FOXP1: variants seen among roughly 807,000 people sequenced by gnomAD.
FOXP1 encodes the protein forkhead box P1, also known as forkhead box protein P1.
In FOXP1, 15 loss-of-function variants were observed where a neutral mutation model predicts 98.2. The ratio of observed to expected loss-of-function variants is 0.15; its 90% confidence interval spans 0.10 to 0.24. The LOEUF (loss-of-function observed/expected upper bound fraction) is 0.24, where lower values mean the gene tolerates loss of function less well. FOXP1 is among the 10% of genes least tolerant of loss of function. The pLI is 1.00. For synonymous variants in FOXP1, 371 were observed against 314.5 expected, an observed-to-expected ratio of 1.18 and a Z score of -1.90; for missense variants, 633 against 848.5, an observed-to-expected ratio of 0.75 and a Z score of 3.15.
intron 4 of FOXP1, among the ~76,000 whole-genome samples, chr3:71,317,797 A>G (rs2075166239): frequency 6.6e-6 from 1 of 152,202 alleles, no homozygotes; most frequent in African/African-American, 2.4e-5. Context: ...TATGTTCCTG[A>G]GGAAGAAAAA....
chr3:70,973,847 C>T (rs1460792798), intron 17 of FOXP1, among the ~76,000 whole-genome samples: 1 of 110,238 alleles, frequency 9.1e-6, no homozygotes, highest in Non-Finnish European at 1.9e-5. Context: ...CCCCCCCCCC[C>T]CACCCCCCAA....
Position 70,971,994 on chromosome 3 carries a change from C to A in FOXP1, c.1652+561G>T, listed in dbSNP as rs771006314. On this transcript the variant is annotated intron_variant, in intron 18 of 20. Transcript: ENST00000649528. ...CAACAGCAGAAAAAAAAAACAAAAGCAAGTAAAGGCTCTTACTGTGCGACA... is the reference window on the plus strand; with the variant it reads ...CAACAGCAGAAAAAAAAAACAAAAGAAAGTAAAGGCTCTTACTGTGCGACA... The A allele has an allele frequency of 4.1e-5, 56 of 1,349,934 alleles. No homozygotes were observed. In the African/African-American group the frequency reaches 7.1e-4, roughly 17 times the overall value. 83.6% of individuals were successfully genotyped at this position (1,349,934 alleles called of 1,614,324 possible).
At chr3:71,057,327 T>TTTTC (rs1553715362) in intron 7 of FOXP1, among the ~76,000 whole-genome samples, 1 of 134,286 alleles carries the variant, frequency 7.4e-6, no homozygotes, top group Non-Finnish European at 1.5e-5. Flanking sequence ...TTTTTTTTTT[T>TTTTC]CAGATTTCAT....
At chr3:71,063,774 C>T (rs138399074) in intron 7 of FOXP1, among the ~76,000 whole-genome samples, 2 of 152,252 alleles carry the variant, frequency 1.3e-5, no homozygotes, top group East Asian at 3.9e-4. Flanking sequence ...TTGATTAGAA[C>T]ATTTGGTTTG....
chr3:71,282,332 C>T (rs530116626), intron 5 of FOXP1, among the ~76,000 whole-genome samples: 1 of 151,816 alleles, frequency 6.6e-6, no homozygotes, highest in South Asian at 2.1e-4. Context: ...ATTTCTATTC[C>T]TATTAGGCTC....
intron 20 of FOXP1, among the ~76,000 whole-genome samples, chr3:70,964,307 CA>C (rs1211564761): frequency 6.6e-6 from 1 of 152,150 alleles, no homozygotes; most frequent in Non-Finnish European, 1.5e-5. Context: ...ATTTGTTAAA[CA>C]AATTAACCCT....
At chr3:71,334,914 G>A (rs977229145) in intron 4 of FOXP1, 2 of 152,170 alleles carry the variant, frequency 1.3e-5, no homozygotes, top group African/African-American at 4.8e-5. Context: ...AAAAGGGGGA[G>A]AGTATCATAT....
At chr3:71,344,071 C>G (rs577414761) in intron 4 of FOXP1, among the ~76,000 whole-genome samples, 119 of 152,356 alleles carry the variant, frequency 7.8e-4, no homozygotes, top group Middle Eastern at 6.8e-3. Flanking sequence ...ATCCCACAGT[C>G]CTGTTGGCCC....
intron 2 of FOXP1, among the ~76,000 whole-genome samples, chr3:71,577,576 A>G (rs776536120): frequency 3.3e-5 from 5 of 152,142 alleles, no homozygotes; most frequent in Non-Finnish European, 5.9e-5. Flanking sequence ...TAATTCATCC[A>G]AGTACCGGAG....
intron 17 of FOXP1, among the ~76,000 whole-genome samples, chr3:70,975,214 T>C (rs76198378): frequency 6.6e-6 from 1 of 152,230 alleles, no homozygotes; most frequent in Non-Finnish European, 1.5e-5. Flanking sequence ...AATTTCATCA[T>C]TTCTATTTAT....
At chr3:71,162,952 T>C (rs2061214193) in intron 6 of FOXP1, among the ~76,000 whole-genome samples, 1 of 152,224 alleles carries the variant, frequency 6.6e-6, no homozygotes, top group East Asian at 1.9e-4. Context: ...ATCATATGTC[T>C]TTCCCCATTA....
intron 6 of FOXP1, among the ~76,000 whole-genome samples, chr3:71,146,112 G>A (rs1185338853): frequency 2.0e-5 from 3 of 152,188 alleles, no homozygotes; most frequent in Non-Finnish European, 2.9e-5. Flanking sequence ...GAACAAACAG[G>A]ATGCTGTCAT....
chr3:71,558,482 G>T (rs1484300119), intron 2 of FOXP1, among the ~76,000 whole-genome samples: 1 of 151,336 alleles, frequency 6.6e-6, no homozygotes, highest in Non-Finnish European at 1.5e-5. Flanking sequence ...TCTTGTTTTT[G>T]TTTTTTGTTT....
chr3:71,109,481 C>G (rs114629369), intron 7 of FOXP1, among the ~76,000 whole-genome samples: 289 of 151,748 alleles, frequency 1.9e-3, no homozygotes, highest in African/African-American at 6.3e-3. Context: ...CCCTGTCAAG[C>G]CTTCCTCTAT....
At chr3:71,036,994 A>G (rs751003118) in intron 11 of FOXP1, among the ~76,000 whole-genome samples, 1 of 152,160 alleles carries the variant, frequency 6.6e-6, no homozygotes, top group Non-Finnish European at 1.5e-5. Context: ...TAAAACACAG[A>G]TCTGAATTTG....
intron 3 of FOXP1, among the ~76,000 whole-genome samples, chr3:71,435,328 G>A (rs199770278): frequency 7.4e-3 from 1 of 136 alleles, no homozygotes; most frequent in African/African-American, 0.083. Context: ...GGGAGGGAGG[G>A]AGGGACGGAG....
Position 71,046,827 on chromosome 3 carries a change from G to T in FOXP1, c.664+115C>A, listed in dbSNP as rs1184797721. On this transcript the variant is annotated intron_variant, in intron 10 of 20. Transcript: ENST00000649528. Reference sequence around the variant, plus strand: ...TTATCCCACTCCACTTTTCTTAAAAGAATCTATGTGCATGTTTTGATGGAC... The same window carrying T: ...TTATCCCACTCCACTTTTCTTAAAATAATCTATGTGCATGTTTTGATGGAC... The T allele has an allele frequency of 3.2e-6, 4 of 1,248,672 alleles. No homozygotes were observed. The East Asian group carries it at 7.0e-5, about 22-fold the overall frequency. The allele number at this position is 1,248,672 out of a possible 1,614,324, so 77.3% of individuals were successfully genotyped here.
chr3:71,274,009 C>G (rs770942269), intron 5 of FOXP1, among the ~76,000 whole-genome samples: 1 of 152,200 alleles, frequency 6.6e-6, no homozygotes. Context: ...CTCCCAGGAG[C>G]CTTCACTGCA....
At chr3:71,159,943 G>C (rs2061048528) in intron 6 of FOXP1, among the ~76,000 whole-genome samples, 1 of 152,172 alleles carries the variant, frequency 6.6e-6, no homozygotes, top group Non-Finnish European at 1.5e-5. Context: ...TGATTCTGCT[G>C]AATTACAGAT....
Sources: gnomAD v4.1 joint callset for allele counts (sites outside exome capture counted in the v4.1 genomes callset) on GRCh38, gnomAD v4.1.1 for gene constraint, MANE v1.5 for transcripts, NCBI Gene and HGNC (gene_info 2026-07-23, HGNC 2026-07-21) for gene names.